Variants in TMEM108 observed in about 807,000 individuals in gnomAD.
TMEM108 encodes the protein cancer/testis antigen 124.
TMEM108 carries 12 observed loss-of-function variants against 35.1 expected under a neutral mutation model. That is an observed-to-expected ratio of 0.34 (90% CI 0.22 to 0.55). The LOEUF is 0.55. Ranked by LOEUF, TMEM108 falls within the 20% of genes least tolerant of loss-of-function variation. TMEM108 has a pLI of 0.89. For missense variants in TMEM108, 680 were observed against 753.3 expected, an observed-to-expected ratio of 0.90 and a Z score of 1.14; for synonymous variants, 287 against 308.6, an observed-to-expected ratio of 0.93 and a Z score of 0.73.
At position 133,184,697 on chromosome 3, in the gene TMEM108, G is replaced by A. The variant is rs142259919; in HGVS notation, c.-46-44569G>A. Among the ~76,000 whole-genome samples the A allele has an allele frequency of 1.5e-3, 236 of 152,324 alleles. 1 individual carries two copies. The highest frequency in any genetic ancestry group is 5.5e-3 in the African/African-American group (230 of 41,576). ...AATTAAAAGAACAAAAGAAATGGATGTAAACAGACTTGTAGACAAAACTGA... is the reference window on the plus strand; with the variant it reads ...AATTAAAAGAACAAAAGAAATGGATATAAACAGACTTGTAGACAAAACTGA... On this transcript the variant is annotated intron_variant, in intron 2 of 5. Coordinates refer to ENST00000321871, the MANE Select transcript of TMEM108 (RefSeq NM_023943.4).
At chr3:133,139,323 A>G (rs1004492948) in intron 2 of TMEM108, among the ~76,000 whole-genome samples, 1 of 152,176 alleles carries the variant, frequency 6.6e-6, no homozygotes, top group African/African-American at 2.4e-5. Flanking sequence ...CAAAGGGATA[A>G]TATCCAGAAT....
At chr3:133,240,243 A>T (rs1233441152) in intron 3 of TMEM108, among the ~76,000 whole-genome samples, 3 of 152,206 alleles carry the variant, frequency 2.0e-5, no homozygotes, top group Non-Finnish European at 4.4e-5. Context: ...AGTCATTCAC[A>T]TAGAAAATTT....
At chr3:133,151,543 TAAG>T (rs112093712) in intron 2 of TMEM108, among the ~76,000 whole-genome samples, 3,507 of 152,138 alleles carry the variant, frequency 0.023, 56 homozygotes, top group South Asian at 0.084. Context: ...CTCTGAACAG[TAAG>T]AAGAAGACTC....
chr3:133,067,010 G>A (rs566013478), intron 2 of TMEM108, among the ~76,000 whole-genome samples: 1 of 152,182 alleles, frequency 6.6e-6, no homozygotes, highest in East Asian at 1.9e-4. Context: ...ATTTTCACTT[G>A]GGTAAACATG....
rs188396518 is a variant in TMEM108, at chr3:133,235,325, A to C, written c.40+5974A>C. 1.2e-3 allele frequency among the ~76,000 whole-genome samples: 176 copies of C among 152,276 alleles called. 1 individual carries two copies. In the South Asian group the frequency reaches 0.024, roughly 21 times the overall value. ...TCCTAAGCCAAAAGAACAAAGCTGG[A>C]GGCATCACGCTACCTGACTTCAAAC... On this transcript the variant is annotated intron_variant, in intron 3 of 5. Coordinates refer to ENST00000321871, the MANE Select transcript of TMEM108 (RefSeq NM_023943.4).
At chr3:133,350,421 G>C (rs1234966156) in intron 3 of TMEM108, among the ~76,000 whole-genome samples, 1 of 152,046 alleles carries the variant, frequency 6.6e-6, no homozygotes, top group Non-Finnish European at 1.5e-5. Flanking sequence ...TACTAGAAGA[G>C]AGGCTTGTGA....
At chr3:133,375,784 T>A (rs1036544092) in intron 3 of TMEM108, among the ~76,000 whole-genome samples, 1 of 152,238 alleles carries the variant, frequency 6.6e-6, no homozygotes, top group Admixed American at 6.5e-5. Flanking sequence ...TTTGAAATAA[T>A]GGCTGTGGTC....
chr3:133,052,283 G>A (rs1162381623), intron 2 of TMEM108, among the ~76,000 whole-genome samples: 3 of 151,758 alleles, frequency 2.0e-5, no homozygotes, highest in Non-Finnish European at 2.9e-5. Flanking sequence ...AATTTCATTT[G>A]TTTATTGCTG....
At chr3:133,164,011 C>T (rs1944999127) in intron 2 of TMEM108, among the ~76,000 whole-genome samples, 1 of 152,108 alleles carries the variant, frequency 6.6e-6, no homozygotes, top group African/African-American at 2.4e-5. Context: ...TTGCCCTTAC[C>T]TAGGTTTCCA....
At chr3:133,291,275 G>A (rs1021465732) in intron 3 of TMEM108, among the ~76,000 whole-genome samples, 3 of 147,702 alleles carry the variant, frequency 2.0e-5, no homozygotes, top group African/African-American at 7.4e-5. Context: ...TTTTTCTGTT[G>A]TTGTCGTTTG....
chr3:133,270,211 C>A (rs1451504732), intron 3 of TMEM108, among the ~76,000 whole-genome samples: 1 of 152,136 alleles, frequency 6.6e-6, no homozygotes, highest in Non-Finnish European at 1.5e-5. Context: ...ATACTGGTCA[C>A]CTTCTAAACT....
chr3:133,086,566 G>A (rs982232967), intron 2 of TMEM108, among the ~76,000 whole-genome samples: 4 of 152,020 alleles, frequency 2.6e-5, no homozygotes, highest in Non-Finnish European at 2.9e-5. Flanking sequence ...GAACTATTAC[G>A]AGATGAGCAT....
At chr3:133,064,764 T>C (rs540788127) in intron 2 of TMEM108, among the ~76,000 whole-genome samples, 2 of 152,114 alleles carry the variant, frequency 1.3e-5, no homozygotes, top group Non-Finnish European at 2.9e-5. Context: ...CAAAGGTAGA[T>C]TGAAGTAGGG....
intron 2 of TMEM108, among the ~76,000 whole-genome samples, chr3:133,064,652 T>A (rs1231024259): frequency 1.3e-5 from 2 of 152,140 alleles, no homozygotes; most frequent in South Asian, 4.1e-4. Flanking sequence ...GAGTCACAAT[T>A]TTCAAAACAT....
intron 3 of TMEM108, among the ~76,000 whole-genome samples, chr3:133,280,949 C>T (rs76970416): frequency 0.015 from 2,287 of 152,280 alleles, 68 homozygotes; most frequent in African/African-American, 0.052. Context: ...TCTTGAGGTC[C>T]AACCTTAAAG....
rs571739489 is a variant in TMEM108, at chr3:133,130,720, C to A, written c.-47+84700C>A. The stretch of plus-strand genomic sequence containing the variant: ...AGGGAAGTGAAAAGTTTCTCACAAT[C>A]TTGCAGTGGCCACTATTGGAAGATA... On this transcript the variant is annotated intron_variant, in intron 2 of 5. Transcript: ENST00000321871. 4.6e-5 allele frequency among the ~76,000 whole-genome samples: 7 copies of A among 152,274 alleles called. No homozygotes were observed. The South Asian group carries it at 1.2e-3, about 27-fold the overall frequency.
At chr3:133,323,618 T>A (rs1309259958) in intron 3 of TMEM108, among the ~76,000 whole-genome samples, 1 of 152,166 alleles carries the variant, frequency 6.6e-6, no homozygotes, top group Non-Finnish European at 1.5e-5. Flanking sequence ...ATCTACAGAT[T>A]CAGTGCAACT....
At chr3:133,252,683 A>C (rs772126785) in intron 3 of TMEM108, among the ~76,000 whole-genome samples, 2 of 152,200 alleles carry the variant, frequency 1.3e-5, no homozygotes, top group South Asian at 4.1e-4. Flanking sequence ...TGAAGGGGTC[A>C]AGGAGTTATG....
chr3:133,058,656 G>T (rs1392630422), intron 2 of TMEM108, among the ~76,000 whole-genome samples: 1 of 152,248 alleles, frequency 6.6e-6, no homozygotes, highest in Non-Finnish European at 1.5e-5. Flanking sequence ...CAAGGGCAAA[G>T]CCCTGTTTCA....
Sources: allele counts gnomAD v4.1 joint callset (sites outside exome capture counted in the v4.1 genomes callset), GRCh38; gene constraint gnomAD v4.1.1; transcripts MANE v1.5; gene names NCBI Gene and HGNC (gene_info 2026-07-23, HGNC 2026-07-21).